Variants in DYNC2LI1 observed in about 807,000 individuals in gnomAD.
The protein encoded by DYNC2LI1 is dynein cytoplasmic 2 light intermediate chain 1.
DYNC2LI1 carries 45 observed loss-of-function variants against 51.9 expected under a neutral mutation model. The ratio of observed to expected loss-of-function variants is 0.87; its 90% confidence interval spans 0.68 to 1.11. DYNC2LI1 has a LOEUF of 1.11. Ranked by LOEUF, DYNC2LI1 falls within the 50% of genes most tolerant of loss-of-function variation. The pLI, the probability that DYNC2LI1 is intolerant of heterozygous loss-of-function variation, is 0.00. For missense variants in DYNC2LI1, 490 were observed against 417.4 expected, an observed-to-expected ratio of 1.17 and a Z score of -1.51; for synonymous variants, 130 against 137.8, an observed-to-expected ratio of 0.94 and a Z score of 0.40.
chr2:43,795,985 T>C (rs1339656917), intron 7 of DYNC2LI1, 27 bp downstream of exon 7: 1 of 1,539,306 alleles, frequency 6.5e-7, no homozygotes, highest in Non-Finnish European at 9.0e-7. Flanking sequence ...CTAGCTGAGT[T>C]TGTTGTACAT....
At chr2:43,827,862 T>C in the DYNC2LI1 span, 7 of 1,473,714 alleles carry the variant, frequency 4.7e-6, no homozygotes, top group Middle Eastern at 2.1e-4. Flanking sequence ...GAAAAACCTG[T>C]GATTTCAGTT....
chr2:43,822,421 C>G, the DYNC2LI1 span: 1 of 728,466 alleles, frequency 1.4e-6, no homozygotes, highest in Non-Finnish European at 1.7e-6. Context: ...TCTTCCCACC[C>G]TCTGAATGTG....
At chr2:43,816,868 T>C in the DYNC2LI1 span, among the ~76,000 whole-genome samples, 1 of 152,250 alleles carries the variant, frequency 6.6e-6, no homozygotes, top group Admixed American at 6.5e-5. Flanking sequence ...TTTACTTTCT[T>C]CCACATCCAC....
At chr2:43,780,144 G>A (rs1572695039) in intron 2 of DYNC2LI1, among the ~76,000 whole-genome samples, 1 of 152,214 alleles carries the variant, frequency 6.6e-6, no homozygotes, top group Admixed American at 6.5e-5. Flanking sequence ...AGGTCAAAGA[G>A]TTATTACTGT....
At chr2:43,824,962 T>G in the DYNC2LI1 span, 2 of 1,614,106 alleles carry the variant, frequency 1.2e-6, no homozygotes, top group East Asian at 4.5e-5. Context: ...GCATTTCCGC[T>G]GGCGTGCCAC....
At chr2:43,826,660 G>A in the DYNC2LI1 span, 5 of 1,352,834 alleles carry the variant, frequency 3.7e-6, no homozygotes, top group Non-Finnish European at 5.2e-6. Flanking sequence ...CATGTAAACT[G>A]GCTTTCAGCC....
chr2:43,802,218 A>T (rs1056561175), intron 10 of DYNC2LI1, among the ~76,000 whole-genome samples: 3 of 152,146 alleles, frequency 2.0e-5, no homozygotes, highest in Non-Finnish European at 4.4e-5. Flanking sequence ...CATAGACTCT[A>T]TAGGCTTCTG....
chr2:43,824,387 T>G, the DYNC2LI1 span: 1 of 1,614,112 alleles, frequency 6.2e-7, no homozygotes, highest in Non-Finnish European at 8.5e-7. Context: ...CTTGGAGGTT[T>G]CTATTTCCCG....
At chr2:43,800,944 T>C (rs1003894716) in intron 9 of DYNC2LI1, 27 bp downstream of exon 9, 3 of 1,450,956 alleles carry the variant, frequency 2.1e-6, no homozygotes, top group Non-Finnish European at 2.9e-6. Context: ...TTTTATATCA[T>C]TTATTGAGTG....
At chr2:43,828,246 C>T in the DYNC2LI1 span, 7 of 1,213,862 alleles carry the variant, frequency 5.8e-6, no homozygotes, top group Non-Finnish European at 8.3e-6. Context: ...ACTCACCACA[C>T]CCTGGGGAAA....
the DYNC2LI1 span, among the ~76,000 whole-genome samples, chr2:43,821,850 A>G: frequency 6.6e-6 from 1 of 151,480 alleles, no homozygotes; most frequent in African/African-American, 2.4e-5. Context: ...TATCTTCATC[A>G]TCTCTATTTT....
downstream of DYNC2LI1, chr2:43,810,625 C>T: frequency 1.7e-6 from 1 of 602,642 alleles, no homozygotes; most frequent in Middle Eastern, 8.5e-4. Context: ...ACATTTACTA[C>T]CCCAAGGGAG....
At chr2:43,814,418 C>T, downstream of DYNC2LI1, 1 of 1,095,510 alleles carries the variant, frequency 9.1e-7, no homozygotes, top group Non-Finnish European at 1.4e-6. Context: ...ACATTTCCTC[C>T]AAGAAATTGC....
At chr2:43,780,889 T>C (rs955443609) in intron 2 of DYNC2LI1, among the ~76,000 whole-genome samples, 2 of 152,140 alleles carry the variant, frequency 1.3e-5, no homozygotes, top group Non-Finnish European at 2.9e-5. Flanking sequence ...TCAATGTTTC[T>C]TGAATTAGGA....
chr2:43,775,552 G>A (rs1003047209), intron 1 of DYNC2LI1, among the ~76,000 whole-genome samples: 2 of 151,610 alleles, frequency 1.3e-5, no homozygotes, highest in South Asian at 4.2e-4. Flanking sequence ...AGGCTGGAGT[G>A]CAGTGATGTC....
At chr2:43,807,619 T>C (rs1572725287) in intron 12 of DYNC2LI1, among the ~76,000 whole-genome samples, 2 of 151,766 alleles carry the variant, frequency 1.3e-5, no homozygotes, top group East Asian at 3.9e-4. Context: ...TTTTTGTTTT[T>C]TGTTGCCCAG....
At chr2:43,821,091 T>C in the DYNC2LI1 span, among the ~76,000 whole-genome samples, 185 of 152,358 alleles carry the variant, frequency 1.2e-3, no homozygotes, top group African/African-American at 4.3e-3. Context: ...ATCCCATTTG[T>C]AGAGTAAGCA....
intron 2 of DYNC2LI1, among the ~76,000 whole-genome samples, chr2:43,777,482 G>A (rs143849254): frequency 8.3e-4 from 126 of 152,302 alleles, no homozygotes; most frequent in African/African-American, 2.8e-3. Context: ...ATGCAACTTT[G>A]CCTGGCCCAC....
At chr2:43,808,673 A>G (rs967780160) in intron 12 of DYNC2LI1, among the ~76,000 whole-genome samples, 5 of 152,212 alleles carry the variant, frequency 3.3e-5, no homozygotes, top group Non-Finnish European at 7.3e-5. Context: ...AGAGCTATAG[A>G]TAGATGTATA....
Sources: gnomAD v4.1 joint callset for allele counts (sites outside exome capture counted in the v4.1 genomes callset) on GRCh38, gnomAD v4.1.1 for gene constraint, MANE v1.5 for transcripts, NCBI Gene and HGNC (gene_info 2026-07-23, HGNC 2026-07-21) for gene names.